LMTK2: variants seen among roughly 807,000 people sequenced by gnomAD.
The protein encoded by LMTK2 is lemur tail kinase 2, also known as serine/threonine-protein kinase LMTK2.
In LMTK2, 37 loss-of-function variants were observed where a neutral mutation model predicts 127.5. The ratio of observed to expected loss-of-function variants is 0.29; its 90% CI spans 0.22 to 0.38. The LOEUF is 0.38. LMTK2 is among the 10% of genes least tolerant of loss of function. The pLI is 1.00. For missense variants in LMTK2, 1,694 were observed against 1,920.3 expected, an observed-to-expected ratio of 0.88 and a Z score of 2.20; for synonymous variants, 819 against 810.1, an observed-to-expected ratio of 1.01 and a Z score of -0.19.
At chr7:98,197,650 G>A (rs1366459351) in intron 11 of LMTK2, among the ~76,000 whole-genome samples, 1 of 152,014 alleles carries the variant, frequency 6.6e-6, no homozygotes, top group East Asian at 1.9e-4. Context: ...GCCAGGAGGT[G>A]AGACTGGTCT....
chr7:98,118,772 C>T (rs75314014), intron 1 of LMTK2, among the ~76,000 whole-genome samples: 4,013 of 152,156 alleles, frequency 0.026, 78 homozygotes, highest in Non-Finnish European at 0.042. Context: ...GGATGGCTTG[C>T]GTGCAGATCA....
At chr7:98,135,972 G>C (rs914125321) in intron 1 of LMTK2, among the ~76,000 whole-genome samples, 2 of 151,912 alleles carry the variant, frequency 1.3e-5, no homozygotes, top group African/African-American at 4.8e-5. Flanking sequence ...TCTGCAGGCC[G>C]CCTCCCTCCC....
intron 6 of LMTK2, among the ~76,000 whole-genome samples, chr7:98,165,597 C>T (rs1797084023): frequency 6.6e-6 from 1 of 152,200 alleles, no homozygotes; most frequent in Non-Finnish European, 1.5e-5. Context: ...AATGACCCGG[C>T]CCTGTGTACT....
intron 1 of LMTK2, among the ~76,000 whole-genome samples, chr7:98,133,155 C>G (rs1480144845): frequency 2.0e-5 from 3 of 152,140 alleles, no homozygotes; most frequent in Non-Finnish European, 4.4e-5. Flanking sequence ...ATACGTATTC[C>G]GCCAGACCTC....
chr7:98,197,404 C>G (rs1363174800), intron 11 of LMTK2, among the ~76,000 whole-genome samples: 1 of 152,246 alleles, frequency 6.6e-6, no homozygotes. Flanking sequence ...TTGCATGCAC[C>G]TTTACAATCT....
At chr7:98,155,185 C>CA (rs547733135) in intron 5 of LMTK2, among the ~76,000 whole-genome samples, 17 of 151,080 alleles carry the variant, frequency 1.1e-4, no homozygotes, top group South Asian at 6.3e-4. Flanking sequence ...ACGTTTAAAA[C>CA]AAAAAAAATA....
chr7:98,180,203 C>A (rs1214179530), intron 7 of LMTK2, among the ~76,000 whole-genome samples: 56 of 152,182 alleles, frequency 3.7e-4, no homozygotes, highest in Non-Finnish European at 1.5e-5. Flanking sequence ...CTGTCATCAT[C>A]TCCATTATCC....
At position 98,117,859 on chromosome 7, in the gene LMTK2, C is replaced by T. The variant is rs546964458; in HGVS notation, c.103+10579C>T. Among the ~76,000 whole-genome samples the T allele has an allele frequency of 3.0e-4, 45 of 151,970 alleles. 1 individual carries two copies. Among genetic ancestry groups the T allele is most frequent in the Non-Finnish European group, 4.9e-4 (33 of 67,990 alleles). ...GTGTGCGCCTGTAATCCCAGCTACT[C>T]GGGAGGTTGAGGCAGGAGAATCACT... On this transcript the variant is annotated intron_variant, in intron 1 of 13. Coordinates refer to ENST00000297293, the MANE Select transcript of LMTK2 (RefSeq NM_014916.4).
chr7:98,192,965 C>G lies in LMTK2; in HGVS notation c.2500C>G (p.Leu834Val). The change falls in exon 11 of 14, where the codon CTC (leucine) becomes GTC (valine). Residue 834 changes from leucine (L) to valine (V), a missense_variant. This residue lies in a region of LMTK2 where 527 missense variants were observed against 539.8 expected (regional missense o/e 0.98). Transcript: ENST00000297293. Reference sequence around the variant, plus strand: ...GCCCCGTCGGGTACCCCCAGACTCACTCCCAACACAGGGAGAAACCCAGCC... The same window carrying G: ...GCCCCGTCGGGTACCCCCAGACTCAGTCCCAACACAGGGAGAAACCCAGCC... ...ETPRRVPPDS[L>V]PTQGETQPTC... 1 of 1,614,152 alleles carries G rather than the reference C, an allele frequency of 6.2e-7. No homozygotes were observed. Among genetic ancestry groups the G allele is most frequent in the Non-Finnish European group, 8.5e-7 (1 of 1,180,040 alleles).
At chr7:98,122,690 G>A (rs1005368143) in intron 1 of LMTK2, among the ~76,000 whole-genome samples, 1 of 2,176 alleles carries the variant, frequency 4.6e-4, no homozygotes, top group Non-Finnish European at 0.011. Context: ...GTGTGTGTGT[G>A]TGTGTGTGTG....
chr7:98,108,428 A>G (rs1796149753), intron 1 of LMTK2, among the ~76,000 whole-genome samples: 1 of 152,240 alleles, frequency 6.6e-6, no homozygotes, highest in African/African-American at 2.4e-5. Flanking sequence ...GATGAAAGCT[A>G]CATGTAATTG....
intron 13 of LMTK2, 59 bp from the exon 14 acceptor site, chr7:98,205,405 G>A: frequency 2.5e-6 from 4 of 1,606,518 alleles, no homozygotes; most frequent in South Asian, 1.1e-5. Context: ...TCCACGCCAT[G>A]CCTGTCTGAT....
intron 7 of LMTK2, among the ~76,000 whole-genome samples, chr7:98,173,669 C>T (rs1337295120): frequency 6.6e-6 from 1 of 152,114 alleles, no homozygotes; most frequent in Admixed American, 6.6e-5. Context: ...TAAAGTTTTA[C>T]TTAATTTCAA....
intron 11 of LMTK2, among the ~76,000 whole-genome samples, chr7:98,195,036 TTTTTG>T (rs1487373051): frequency 2.0e-5 from 3 of 152,070 alleles, no homozygotes; most frequent in African/African-American, 7.2e-5. Context: ...TTTGGTGTTT[TTTTTG>T]TTTTGTTTTG....
At chr7:98,153,963 G>T (rs1226525220) in intron 4 of LMTK2, among the ~76,000 whole-genome samples, 1 of 151,998 alleles carries the variant, frequency 6.6e-6, no homozygotes, top group Non-Finnish European at 1.5e-5. Flanking sequence ...TTCTGTTCTG[G>T]TTCTTACTGT....
intron 13 of LMTK2, among the ~76,000 whole-genome samples, chr7:98,204,748 G>A (rs1332132337): frequency 1.3e-5 from 2 of 152,268 alleles, no homozygotes; most frequent in Non-Finnish European, 2.9e-5. Context: ...GAGGCAGAGG[G>A]GCTCTGGGTC....
At chr7:98,191,361 G>A (rs959729547) in intron 10 of LMTK2, among the ~76,000 whole-genome samples, 1 of 152,068 alleles carries the variant, frequency 6.6e-6, no homozygotes. Flanking sequence ...AGACCAGCCT[G>A]GCCAACATGG....
chr7:98,179,127 TATA>T (rs551481681), intron 7 of LMTK2, among the ~76,000 whole-genome samples: 30 of 152,366 alleles, frequency 2.0e-4, no homozygotes, highest in African/African-American at 7.2e-4. Context: ...TTTCGAGTTT[TATA>T]ATGAGAGCCA....
At chr7:98,157,250 TCGG>T (rs1796937803) in intron 5 of LMTK2, among the ~76,000 whole-genome samples, 3 of 107,994 alleles carry the variant, frequency 2.8e-5, no homozygotes, top group African/African-American at 3.8e-5. Context: ...AGACCCTGTC[TCGG>T]TAGGTAGGTA....
Sources: allele counts gnomAD v4.1 joint callset (sites outside exome capture counted in the v4.1 genomes callset), GRCh38; gene constraint gnomAD v4.1.1; regional missense constraint gnomAD v4.1.1; transcripts MANE v1.5; gene names NCBI Gene and HGNC (gene_info 2026-07-23, HGNC 2026-07-21).